GLCCI1: variants seen among roughly 807,000 people sequenced by gnomAD.
The protein encoded by GLCCI1 is glucocorticoid-induced transcript 1 protein.
In GLCCI1, 24 loss-of-function variants were observed where a neutral mutation model predicts 52.2. That is an observed-to-expected ratio of 0.46 (90% confidence interval 0.33 to 0.65). GLCCI1 has a LOEUF of 0.65. Ranked by LOEUF, GLCCI1 falls within the 30% of genes least tolerant of loss-of-function variation. The pLI is 0.02. For missense variants in GLCCI1, 704 were observed against 701.5 expected, an observed-to-expected ratio of 1.00 and a Z score of -0.04; for synonymous variants, 310 against 276.5, an observed-to-expected ratio of 1.12 and a Z score of -1.20.
intron 2 of GLCCI1, among the ~76,000 whole-genome samples, chr7:8,012,676 A>G (rs888140282): frequency 6.6e-6 from 1 of 151,076 alleles, no homozygotes; most frequent in Admixed American, 6.6e-5. Flanking sequence ...TGATCTCCTG[A>G]CCTTGTGATC....
rs796366468 is a variant in GLCCI1, at chr7:7,981,254, C to CTCTTTT, written c.457+11448_457+11449insCTTTTT. The CTCTTTT allele has an allele frequency of 6.4e-3, 1,564 of 245,536 alleles. 26 individuals carry two copies. Among genetic ancestry groups the CTCTTTT allele is most frequent in the African/African-American group, 0.034 (1,396 of 41,326 alleles). The allele number at this position is 245,536 out of a possible 1,614,324, so 15.2% of individuals were successfully genotyped here. On this transcript the variant is annotated intron_variant, in intron 1 of 7. Coordinates refer to ENST00000223145, the MANE Select transcript of GLCCI1 (RefSeq NM_138426.4). ...TCCTCTGTTATTTCTTTCTTTCTTTCTTTCTCTTTTTTTCTTTCTTTCTTT... is the reference window on the plus strand; with the variant it reads ...TCCTCTGTTATTTCTTTCTTTCTTTCTCTTTTTTTCTCTTTTTTTCTTTCTTTCTTT...
Position 8,003,891 on chromosome 7 carries a change from T to C in GLCCI1, c.458-17T>C, listed in dbSNP as rs1013607696. 6.3e-7 allele frequency: 1 copy of C among 1,599,882 alleles called. No individual in the cohort carries two copies. The highest frequency in any genetic ancestry group is 1.1e-5 in the South Asian group (1 of 89,148). ...TTTTATTCACTAATGACTAATCTTTTTTTTCACTTTCTGTAGCGGACAAGG... is the reference window on the plus strand; with the variant it reads ...TTTTATTCACTAATGACTAATCTTTCTTTTCACTTTCTGTAGCGGACAAGG... On this transcript the variant is annotated splice_polypyrimidine_tract_variant and intron_variant, in intron 1 of 7. Transcript: ENST00000223145.
intron 1 of GLCCI1, among the ~76,000 whole-genome samples, chr7:7,973,944 C>G (rs1780409296): frequency 6.6e-6 from 1 of 151,996 alleles, no homozygotes; most frequent in Non-Finnish European, 1.5e-5. Flanking sequence ...CAGATATTCT[C>G]TTTCTATAAA....
intron 1 of GLCCI1, among the ~76,000 whole-genome samples, chr7:7,997,965 A>C (rs1353975896): frequency 6.7e-6 from 1 of 149,008 alleles, no homozygotes; most frequent in Admixed American, 6.7e-5. Context: ...AAATAAATAA[A>C]TAAATAAATA....
intron 1 of GLCCI1, among the ~76,000 whole-genome samples, chr7:7,987,529 A>G (rs542522140): frequency 3.9e-5 from 6 of 152,204 alleles, no homozygotes; most frequent in East Asian, 1.9e-4. Flanking sequence ...GAATGTTTCT[A>G]TTTCACTCTA....
chr7:8,041,925 A>T (rs1037670864), intron 3 of GLCCI1, among the ~76,000 whole-genome samples: 1 of 152,122 alleles, frequency 6.6e-6, no homozygotes, highest in Non-Finnish European at 1.5e-5. Context: ...CTCATTTGCC[A>T]TTCTGAAAAT....
At chr7:8,035,074 TAC>T (rs1306046735) in intron 3 of GLCCI1, among the ~76,000 whole-genome samples, 1 of 152,126 alleles carries the variant, frequency 6.6e-6, no homozygotes, top group African/African-American at 2.4e-5. Flanking sequence ...CTGGATCCCA[TAC>T]AGACATTCCC....
rs774502306 is a variant in GLCCI1, at chr7:8,004,070, G to T, written c.609+11G>T. 3.4e-5 allele frequency: 55 copies of T among 1,609,944 alleles called. 1 individual carries two copies. Among genetic ancestry groups the T allele is most frequent in the Non-Finnish European group, 4.4e-5 (52 of 1,177,764 alleles). On this transcript the variant is annotated intron_variant, in intron 2 of 7. Transcript: ENST00000223145. ...GACAAAGCTACTCAGGTAAAATCAG[G>T]AAATCAAAATCAGCTTATTACCCTG...
chr7:8,034,890 G>C (rs1186506794), intron 3 of GLCCI1, among the ~76,000 whole-genome samples: 1 of 152,176 alleles, frequency 6.6e-6, no homozygotes, highest in African/African-American at 2.4e-5. Flanking sequence ...GGTGTGGGTG[G>C]TGATTTGGGG....
At chr7:8,068,156 C>G (rs139898401) in intron 5 of GLCCI1, among the ~76,000 whole-genome samples, 1 of 152,260 alleles carries the variant, frequency 6.6e-6, no homozygotes, top group African/African-American at 2.4e-5. Context: ...CAAGACCAAC[C>G]TGGCCAACGT....
intron 5 of GLCCI1, among the ~76,000 whole-genome samples, chr7:8,067,356 A>C (rs1416083449): frequency 6.6e-6 from 1 of 152,170 alleles, no homozygotes; most frequent in Admixed American, 6.5e-5. Context: ...CCTTTTAATT[A>C]GGACATTTAA....
In GLCCI1 at chr7:8,055,835, CAAA is replaced by C. The variant is rs1306188165; in HGVS notation, c.813+292_813+294del. On this transcript the variant is annotated intron_variant, in intron 4 of 7. Coordinates refer to ENST00000223145, the MANE Select transcript of GLCCI1 (RefSeq NM_138426.4). ...AAACCGTGTCTCTACTGAAAAAACA[CAAA>C]AAAAATTAGCCGGGCGTCGTGCCGG... The C allele has an allele frequency of 2.6e-5, 5 of 189,790 alleles. No individual in the cohort carries two copies. In the South Asian group the frequency reaches 4.7e-4, roughly 18 times the overall value. The allele number at this position is 189,790 out of a possible 1,614,324, so 11.8% of individuals were successfully genotyped here. A position where few individuals can be genotyped will look rare whatever the true frequency, so the allele number is the denominator to read the frequency against.
chr7:8,078,145 AATGGC>A (rs1782915558), intron 6 of GLCCI1, among the ~76,000 whole-genome samples: 1 of 147,626 alleles, frequency 6.8e-6, no homozygotes, highest in Non-Finnish European at 1.5e-5. Context: ...GAGGCAGGAG[AATGGC>A]ATGAACCGAG....
intron 1 of GLCCI1, among the ~76,000 whole-genome samples, chr7:7,976,978 A>G (rs1324803629): frequency 6.6e-6 from 1 of 152,100 alleles, no homozygotes; most frequent in Non-Finnish European, 1.5e-5. Flanking sequence ...TTCGTAATGA[A>G]AAGGTGAAAA....
In GLCCI1 at chr7:8,001,400, A is replaced by G. The variant is rs192800085; in HGVS notation, c.458-2508A>G. Among the ~76,000 whole-genome samples the G allele has an allele frequency of 4.3e-3, 650 of 152,318 alleles. 7 individuals carry two copies. The highest frequency in any genetic ancestry group is 2.1e-3 in the Non-Finnish European group (143 of 68,026). On this transcript the variant is annotated intron_variant, in intron 1 of 7. Coordinates refer to ENST00000223145, the MANE Select transcript of GLCCI1 (RefSeq NM_138426.4). ...CTTCTGGCTGCAAATCAAAACCACA[A>G]TGAGATACTATCTCACACCAGTTAG...
In GLCCI1 at chr7:8,084,910, C is replaced by G. The variant is rs1161302021; in HGVS notation, c.1191C>G (p.Ser397Arg). Residue 397 changes from serine (S) to arginine (R), a missense_variant, in exon 7 of 8, where the codon AGC (serine) becomes AGG (arginine). By Grantham distance (110) the Ser-to-Arg change is moderately radical. Around this residue, in one of 3 missense-constraint regions of GLCCI1, gnomAD observed 547 missense variants for 524.8 expected, o/e 1.04. Coordinates refer to ENST00000223145, the MANE Select transcript of GLCCI1 (RefSeq NM_138426.4). Reference sequence around the variant, plus strand: ...TTAAATTTACAGACAGTGGGAGTAGCTCACCGTTACCCAAGTATGCTTCAT... The same window carrying G: ...TTAAATTTACAGACAGTGGGAGTAGGTCACCGTTACCCAAGTATGCTTCAT... ...LYDRDKDSGS[S>R]SPLPKYASSP... 7 of 1,613,902 alleles carry G rather than the reference C, an allele frequency of 4.3e-6. No homozygotes were observed. In the Admixed American group the frequency reaches 1.2e-4, roughly 27 times the overall value.
intron 1 of GLCCI1, among the ~76,000 whole-genome samples, chr7:7,989,070 T>C (rs948239458): frequency 6.6e-6 from 1 of 152,164 alleles, no homozygotes; most frequent in Admixed American, 6.5e-5. Context: ...ATGAATGAAG[T>C]CTGAATCCCT....
At chr7:7,972,830 A>G (rs1780379937) in intron 1 of GLCCI1, among the ~76,000 whole-genome samples, 1 of 152,212 alleles carries the variant, frequency 6.6e-6, no homozygotes, top group African/African-American at 2.4e-5. Flanking sequence ...ATAGTTTTAA[A>G]TAATTTAAAT....
At chr7:8,043,331 TAA>T (rs59268355) in intron 3 of GLCCI1, among the ~76,000 whole-genome samples, 25 of 142,692 alleles carry the variant, frequency 1.8e-4, no homozygotes, top group Non-Finnish European at 1.1e-4. Flanking sequence ...AATGCTGTGG[TAA>T]AAAAAAAAAA....
Sources: allele counts gnomAD v4.1 joint callset (sites outside exome capture counted in the v4.1 genomes callset), GRCh38; gene constraint gnomAD v4.1.1; regional missense constraint gnomAD v4.1.1; transcripts MANE v1.5; gene names NCBI Gene and HGNC (gene_info 2026-07-23, HGNC 2026-07-21).